Variants in SCHIP1 observed in about 807,000 individuals in gnomAD.
SCHIP1 encodes schwannomin-interacting protein 1.
SCHIP1 carries 8 observed loss-of-function variants against 29.7 expected under a neutral mutation model. The observed-to-expected ratio is 0.27, with a 90% CI of 0.16 to 0.49. SCHIP1 has a LOEUF of 0.49. Among genes scored for constraint, SCHIP1 ranks in the 20% least tolerant of loss-of-function variants. The pLI is 0.99. For synonymous variants in SCHIP1, 76 were observed against 94.9 expected, an observed-to-expected ratio of 0.80 and a Z score of 1.16; for missense variants, 193 against 294.6, an observed-to-expected ratio of 0.66 and a Z score of 2.52.
At chr3:159,365,344 C>T in the SCHIP1 span, among the ~76,000 whole-genome samples, 2 of 151,844 alleles carry the variant, frequency 1.3e-5, 1 homozygote, top group African/African-American at 4.8e-5. Context: ...TTGAAACATG[C>T]GTTTTTTTCT....
chr3:159,724,584 T>C, the SCHIP1 span, among the ~76,000 whole-genome samples: 1 of 152,194 alleles, frequency 6.6e-6, no homozygotes. Context: ...CCTTTTCCAG[T>C]AGTTTTCTCC....
the SCHIP1 span, among the ~76,000 whole-genome samples, chr3:159,370,356 T>C: frequency 1.3e-5 from 2 of 152,222 alleles, no homozygotes; most frequent in African/African-American, 4.8e-5. Flanking sequence ...GCTTAATTCC[T>C]TACTTAAATG....
the SCHIP1 span, among the ~76,000 whole-genome samples, chr3:159,494,131 A>T: frequency 2.6e-5 from 4 of 152,208 alleles, no homozygotes; most frequent in Non-Finnish European, 5.9e-5. Flanking sequence ...ATAGCACTAA[A>T]TGCCCACAAG....
the SCHIP1 span, among the ~76,000 whole-genome samples, chr3:159,731,491 T>C: frequency 2.0e-5 from 3 of 152,202 alleles, no homozygotes; most frequent in East Asian, 5.8e-4. Context: ...CTGAGGACTG[T>C]GCGTGTTTAT....
the SCHIP1 span, among the ~76,000 whole-genome samples, chr3:159,382,690 C>A: frequency 1.2e-4 from 18 of 151,146 alleles, no homozygotes; most frequent in African/African-American, 3.9e-4. Flanking sequence ...ACACTGACTT[C>A]CACAATGGTT....
chr3:159,459,259 A>T, the SCHIP1 span, among the ~76,000 whole-genome samples: 3 of 152,074 alleles, frequency 2.0e-5, no homozygotes, highest in African/African-American at 7.2e-5. Context: ...TGGTGGTTTT[A>T]TAATGCTGGG....
chr3:159,881,029 A>C (rs1464373725), intron 2 of SCHIP1, among the ~76,000 whole-genome samples: 1 of 152,182 alleles, frequency 6.6e-6, no homozygotes, highest in African/African-American at 2.4e-5. Context: ...AGTTTGCCGG[A>C]TGGGAAAACT....
chr3:159,831,881 C>T, the SCHIP1 span, among the ~76,000 whole-genome samples: 2 of 150,888 alleles, frequency 1.3e-5, no homozygotes, highest in African/African-American at 4.9e-5. Flanking sequence ...AAAGCGAAAC[C>T]ATAGATAAGG....
the SCHIP1 span, among the ~76,000 whole-genome samples, chr3:159,521,886 G>A: frequency 6.6e-6 from 1 of 152,100 alleles, no homozygotes; most frequent in African/African-American, 2.4e-5. Flanking sequence ...AGAAATATGT[G>A]CAACAATAGA....
chr3:159,706,057 G>A, the SCHIP1 span, among the ~76,000 whole-genome samples: 1 of 152,176 alleles, frequency 6.6e-6, no homozygotes, highest in Non-Finnish European at 1.5e-5. Flanking sequence ...AGCTATGTAG[G>A]AGCTTTCATG....
intron 1 of SCHIP1, among the ~76,000 whole-genome samples, chr3:159,863,556 TAATA>T (rs1714282762): frequency 6.6e-6 from 1 of 152,196 alleles, no homozygotes. Flanking sequence ...TCTGAAAATC[TAATA>T]AATAATATGA....
the SCHIP1 span, among the ~76,000 whole-genome samples, chr3:159,354,887 AG>A: frequency 3.3e-5 from 5 of 152,224 alleles, no homozygotes; most frequent in African/African-American, 1.2e-4. Flanking sequence ...TTAAAAGAAA[AG>A]AACCGCAGAA....
At chr3:159,366,177 GAGAA>G in the SCHIP1 span, among the ~76,000 whole-genome samples, 1 of 152,090 alleles carries the variant, frequency 6.6e-6, no homozygotes, top group African/African-American at 2.4e-5. Context: ...ATGAGCAAGA[GAGAA>G]AGAGAGTGGG....
chr3:159,620,627 T>C, the SCHIP1 span, among the ~76,000 whole-genome samples: 1 of 152,212 alleles, frequency 6.6e-6, no homozygotes, highest in African/African-American at 2.4e-5. Context: ...TTGCAGAACA[T>C]TGTAAGAAGG....
upstream of SCHIP1, among the ~76,000 whole-genome samples, chr3:159,836,141 C>T (rs906727124): frequency 1.2e-4 from 18 of 152,138 alleles, no homozygotes; most frequent in Admixed American, 7.2e-4. Context: ...TAGTATTCGT[C>T]TTAGTCTGTT....
chr3:159,547,467 T>A, the SCHIP1 span, among the ~76,000 whole-genome samples: 1 of 152,204 alleles, frequency 6.6e-6, no homozygotes, highest in East Asian at 1.9e-4. Flanking sequence ...GCTTTTGGTG[T>A]TTTAGTTATG....
At chr3:159,514,923 C>T in the SCHIP1 span, among the ~76,000 whole-genome samples, 1 of 152,170 alleles carries the variant, frequency 6.6e-6, no homozygotes, top group Non-Finnish European at 1.5e-5. Context: ...ACAGCCTTAA[C>T]CTTTCATTGC....
At chr3:159,440,424 CT>C in the SCHIP1 span, among the ~76,000 whole-genome samples, 5 of 152,152 alleles carry the variant, frequency 3.3e-5, no homozygotes, top group Non-Finnish European at 5.9e-5. Flanking sequence ...ATGGCTGCAC[CT>C]CATTGTTTTC....
At chr3:159,388,870 T>G in the SCHIP1 span, among the ~76,000 whole-genome samples, 1 of 152,132 alleles carries the variant, frequency 6.6e-6, no homozygotes, top group Non-Finnish European at 1.5e-5. Context: ...CAAGCATAAA[T>G]CTTCATCCTT....
Sources: allele counts gnomAD v4.1 joint callset (sites outside exome capture counted in the v4.1 genomes callset), GRCh38; gene constraint gnomAD v4.1.1; transcripts MANE v1.5; gene names NCBI Gene and HGNC (gene_info 2026-07-23, HGNC 2026-07-21).